Variants in GABRB1 observed in about 807,000 individuals in gnomAD.
GABRB1 encodes the protein gamma-aminobutyric acid type A receptor subunit beta1.
Under a neutral mutation model 51.6 loss-of-function variants are expected in GABRB1, and 17 were observed. The observed-to-expected ratio is 0.33, with a 90% CI of 0.23 to 0.49. The LOEUF (loss-of-function observed/expected upper bound fraction) is 0.49. Ranked by LOEUF, GABRB1 falls within the 20% of genes least tolerant of loss-of-function variation. The probability of loss-of-function intolerance (pLI) is 0.99; values close to 1 mark genes in which losing one functional copy is unlikely to be tolerated. For synonymous variants in GABRB1, 247 were observed against 218.9 expected, an observed-to-expected ratio of 1.13 and a Z score of -1.14; for missense variants, 410 against 600.6, an observed-to-expected ratio of 0.68 and a Z score of 3.32.
intron 4 of GABRB1, among the ~76,000 whole-genome samples, chr4:47,264,279 C>A (rs141552438): frequency 6.6e-6 from 1 of 152,142 alleles, no homozygotes; most frequent in African/African-American, 2.4e-5. Flanking sequence ...AGCAACTATC[C>A]TTCCCCCACC....
chr4:47,156,107 C>T (rs1331007475), intron 3 of GABRB1, among the ~76,000 whole-genome samples: 2 of 151,498 alleles, frequency 1.3e-5, no homozygotes, highest in African/African-American at 4.8e-5. Context: ...ATTGCTAGAT[C>T]ACGTGATAGT....
chr4:47,179,559 A>G (rs1718858467), intron 4 of GABRB1, among the ~76,000 whole-genome samples: 1 of 152,266 alleles, frequency 6.6e-6, no homozygotes, highest in Non-Finnish European at 1.5e-5. Context: ...TAAGTCATTT[A>G]CTTTTACCAA....
chr4:47,094,750 T>G (rs1286149110), intron 3 of GABRB1, among the ~76,000 whole-genome samples: 1 of 146,830 alleles, frequency 6.8e-6, no homozygotes, highest in Non-Finnish European at 1.5e-5. Context: ...CATGTACCCA[T>G]GAACTTAAAG....
In GABRB1 at chr4:47,293,938, T is replaced by C. The variant is rs372073276; in HGVS notation, c.462-26189T>C. ...TATGAAAACATATAACACAAATTTA[T>C]ATGACCTTATATATTCTTTTAACAT... On this transcript the variant is annotated intron_variant, in intron 4 of 8. Transcript: ENST00000295454. Among the ~76,000 whole-genome samples the C allele has an allele frequency of 5.3e-4, 80 of 152,344 alleles. No homozygotes were observed. In the South Asian group the frequency reaches 0.015, roughly 29 times the overall value.
intron 1 of GABRB1, among the ~76,000 whole-genome samples, chr4:47,011,990 A>C (rs1724595543): frequency 6.6e-6 from 1 of 152,196 alleles, no homozygotes; most frequent in Non-Finnish European, 1.5e-5. Context: ...AAATTGATTC[A>C]GAATTTAAAA....
At chr4:47,421,457 A>G (rs892393035) in intron 8 of GABRB1, among the ~76,000 whole-genome samples, 4 of 152,056 alleles carry the variant, frequency 2.6e-5, no homozygotes, top group East Asian at 1.9e-4. Context: ...CCATTTTACA[A>G]GCATTTTTTC....
intron 5 of GABRB1, among the ~76,000 whole-genome samples, chr4:47,360,382 G>A (rs1177886463): frequency 6.6e-6 from 1 of 151,358 alleles, no homozygotes; most frequent in African/African-American, 2.4e-5. Flanking sequence ...TCATTTTTTG[G>A]TGTTAGAAAA....
intron 5 of GABRB1, among the ~76,000 whole-genome samples, chr4:47,339,245 T>C (rs993295329): frequency 1.3e-5 from 2 of 152,230 alleles, no homozygotes; most frequent in African/African-American, 4.8e-5. Flanking sequence ...ACAGACATTC[T>C]GTTTTGGATA....
chr4:47,310,277 A>G (rs1334237159), intron 4 of GABRB1, among the ~76,000 whole-genome samples: 1 of 152,232 alleles, frequency 6.6e-6, no homozygotes, highest in African/African-American at 2.4e-5. Flanking sequence ...CAGTGGCTCC[A>G]TCTTCTCTCT....
At chr4:47,090,715 G>A (rs1461053882) in intron 3 of GABRB1, among the ~76,000 whole-genome samples, 3 of 152,114 alleles carry the variant, frequency 2.0e-5, no homozygotes, top group African/African-American at 4.8e-5. Context: ...TACATTAAAG[G>A]TGTGGACATC....
chr4:47,271,143 G>C (rs368686771), intron 4 of GABRB1, among the ~76,000 whole-genome samples: 2 of 152,170 alleles, frequency 1.3e-5, no homozygotes, highest in African/African-American at 4.8e-5. Flanking sequence ...GAAAATGTTA[G>C]GGGAAAAGTG....
At chr4:47,191,181 A>G (rs982316935) in intron 4 of GABRB1, among the ~76,000 whole-genome samples, 2 of 152,164 alleles carry the variant, frequency 1.3e-5, no homozygotes, top group African/African-American at 4.8e-5. Context: ...AAGTTTTAAC[A>G]AGGCCAAGGA....
intron 4 of GABRB1, among the ~76,000 whole-genome samples, chr4:47,191,749 T>C (rs531201388): frequency 6.6e-6 from 1 of 152,228 alleles, no homozygotes; most frequent in Admixed American, 6.5e-5. Context: ...ACTGGCTTAG[T>C]TTCAGGGTCT....
At chr4:47,404,283 G>A (rs1385481119) in intron 7 of GABRB1, among the ~76,000 whole-genome samples, 35 of 152,004 alleles carry the variant, frequency 2.3e-4, no homozygotes, top group Non-Finnish European at 1.5e-5. Context: ...TTCCTTCTTG[G>A]GGGAACAAAA....
chr4:47,196,471 A>G (rs958919066), intron 4 of GABRB1, among the ~76,000 whole-genome samples: 4 of 152,162 alleles, frequency 2.6e-5, no homozygotes, highest in Non-Finnish European at 1.5e-5. Context: ...TACAGCATGG[A>G]CGGCCCTTGT....
Position 47,417,075 on chromosome 4 carries a change from T to C in GABRB1, c.1081-8599T>C, listed in dbSNP as rs192109625. 1.8e-3 allele frequency among the ~76,000 whole-genome samples: 281 copies of C among 152,336 alleles called. 3 individuals are homozygous for C. The highest frequency in any genetic ancestry group is 6.2e-3 in the African/African-American group (258 of 41,576). ...CGAATCCAGGATAAATGTATCTACC[T>C]GAGTACTGTTCTGGAAAATTGCCAG... On this transcript the variant is annotated intron_variant, in intron 8 of 8. Transcript: ENST00000295454.
At chr4:47,003,906 C>T (rs1353412355) in intron 1 of GABRB1, among the ~76,000 whole-genome samples, 2 of 152,316 alleles carry the variant, frequency 1.3e-5, no homozygotes, top group Non-Finnish European at 1.5e-5. Flanking sequence ...TCAGCCCACA[C>T]ATATTTACAG....
intron 4 of GABRB1, among the ~76,000 whole-genome samples, chr4:47,187,073 G>A (rs909305768): frequency 1.3e-5 from 2 of 152,000 alleles, no homozygotes; most frequent in Non-Finnish European, 2.9e-5. Flanking sequence ...AAGCTCTCAG[G>A]ATTGTGATTC....
At chr4:47,149,930 G>A (rs1297699577) in intron 3 of GABRB1, among the ~76,000 whole-genome samples, 1 of 151,910 alleles carries the variant, frequency 6.6e-6, no homozygotes, top group African/African-American at 2.4e-5. Context: ...TGCTCAATGA[G>A]TTCGAGCCAC....
Sources: allele counts gnomAD v4.1 joint callset (sites outside exome capture counted in the v4.1 genomes callset), GRCh38; gene constraint gnomAD v4.1.1; transcripts MANE v1.5; gene names NCBI Gene and HGNC (gene_info 2026-07-23, HGNC 2026-07-21).